Variants in MARK3 observed in about 807,000 individuals in gnomAD.
The protein encoded by MARK3 is MAP/microtubule affinity-regulating kinase 3.
MARK3 carries 46 observed loss-of-function variants against 90.1 expected under a neutral mutation model. That is an observed-to-expected ratio of 0.51 (90% CI 0.40 to 0.65). MARK3 has a LOEUF of 0.65. Among genes scored for constraint, MARK3 ranks in the 30% least tolerant of loss-of-function variants. MARK3 has a pLI of 0.00. For missense variants in MARK3, 818 were observed against 947.2 expected (o/e 0.86, Z 1.79); for synonymous variants, 321 against 332.6 (o/e 0.97, Z 0.38).
intron 1 of MARK3, among the ~76,000 whole-genome samples, chr14:103,400,844 A>G (rs2090909022): frequency 6.9e-6 from 1 of 144,428 alleles, no homozygotes; most frequent in South Asian, 2.3e-4. Context: ...GCAGTGAGGT[A>G]TGATCGATCA....
At chr14:103,414,202 C>A (rs867323261) in intron 2 of MARK3, among the ~76,000 whole-genome samples, 13 of 130,350 alleles carry the variant, frequency 1.0e-4, no homozygotes, top group Non-Finnish European at 1.7e-4. Context: ...CTTTTCTTTT[C>A]TTTCTTTTTT....
In MARK3 at chr14:103,425,528, A is replaced by C. The variant is rs576627681; in HGVS notation, c.244-2859A>C. 1.1e-4 allele frequency among the ~76,000 whole-genome samples: 16 copies of C among 152,264 alleles called. 1 individual carries two copies. The South Asian group carries it at 3.1e-3, about 30-fold the overall frequency. ...TCCACCCACCTCCCAAAGTGCTGGG[A>C]TTACAGGCATGAGCCACCTCACCCG... On this transcript the variant is annotated intron_variant, in intron 2 of 17. Transcript: ENST00000429436.
At chr14:103,438,125 C>G (rs1385821874) in intron 3 of MARK3, among the ~76,000 whole-genome samples, 2 of 152,126 alleles carry the variant, frequency 1.3e-5, no homozygotes, top group Non-Finnish European at 2.9e-5. Flanking sequence ...CTCAGCCTCC[C>G]GAGTAGCTGG....
chr14:103,474,032 TA>T (rs1182455433), intron 12 of MARK3, among the ~76,000 whole-genome samples: 1 of 96,208 alleles, frequency 1.0e-5, no homozygotes, highest in African/African-American at 3.9e-5. Context: ...CCGTCTCTAC[TA>T]AAAAAAAAAA....
At position 103,462,336 on chromosome 14, in the gene MARK3, A is replaced by C. The variant is rs958548283; in HGVS notation, c.484-69A>C. On this transcript the variant is annotated intron_variant, in intron 6 of 17. Coordinates refer to ENST00000429436, the MANE Select transcript of MARK3 (RefSeq NM_001128918.3). Reference sequence around the variant, plus strand: ...GAGTATTCATTATGTGTGAACATTAACAAAGTTATTTTCATCTTAATTACG... The same window carrying C: ...GAGTATTCATTATGTGTGAACATTACCAAAGTTATTTTCATCTTAATTACG... 3.4e-6 allele frequency: 4 copies of C among 1,165,470 alleles called. No homozygotes were observed. The African/African-American group carries it at 6.0e-5, about 18-fold the overall frequency. 72.2% of individuals were successfully genotyped at this position (1,165,470 alleles called of 1,614,324 possible).
chr14:103,455,869 C>A (rs868069412), intron 5 of MARK3, among the ~76,000 whole-genome samples: 2 of 151,998 alleles, frequency 1.3e-5, no homozygotes, highest in African/African-American at 4.8e-5. Flanking sequence ...TGATGACTTT[C>A]AAGTATCAAA....
rs776838049 is a variant in MARK3, at chr14:103,465,634, C to T, written c.618C>T (p.Gly206=). Residue 206 remains glycine (G), a synonymous_variant, in exon 8 of 18, where the codon GGC becomes GGT. Coordinates refer to ENST00000429436, the MANE Select transcript of MARK3 (RefSeq NM_001128918.3). Reference sequence around the variant, plus strand: ...GTTTTAGCAATGAATTTACTGTTGGCGGTAAACTCGACACGTTTTGTGGCA... The same window carrying T: ...GTTTTAGCAATGAATTTACTGTTGGTGGTAAACTCGACACGTTTTGTGGCA... ...DFGFSNEFTV[G]GKLDTFCGSP... 5.6e-6 allele frequency: 9 copies of T among 1,613,920 alleles called. No homozygotes were observed. Among genetic ancestry groups the T allele is most frequent in the South Asian group, 5.5e-5 (5 of 91,086 alleles).
rs1291335149 is a variant in MARK3, at chr14:103,503,019, C to T, written c.2054C>T (p.Ala685Val). ...CGGGAAATCCGCAAAGTGTTGGACG[C>T]CAATAACTGCGACTATGAGCAGAGG... The part of the protein sequence containing the change: ...MMREIRKVLD[A>V]NNCDYEQRER... Residue 685 changes from alanine to valine, a missense_variant, in exon 18 of 18, where the codon GCC becomes GTC. By Grantham distance (64) the Ala-to-Val change is moderately conservative (BLOSUM62 0). Transcript: ENST00000429436. 6.2e-7 allele frequency: 1 copy of T among 1,614,226 alleles called. No homozygotes were observed.
intron 15 of MARK3, among the ~76,000 whole-genome samples, chr14:103,496,280 C>T (rs888997256): frequency 1.3e-5 from 2 of 152,042 alleles, no homozygotes; most frequent in African/African-American, 4.8e-5. Context: ...CTGATTTTTC[C>T]GGTGGAAGAT....
chr14:103,415,279 G>A (rs1205716313), intron 2 of MARK3, among the ~76,000 whole-genome samples: 10 of 151,392 alleles, frequency 6.6e-5, no homozygotes, highest in Admixed American at 2.6e-4. Flanking sequence ...TGTACACTCT[G>A]AAGACCATTT....
chr14:103,456,728 G>A (rs1400495778), intron 5 of MARK3, among the ~76,000 whole-genome samples: 1 of 152,202 alleles, frequency 6.6e-6, no homozygotes, highest in Non-Finnish European at 1.5e-5. Context: ...CTTGCAGTTA[G>A]TAGACATTCA....
At chr14:103,386,133 C>T (rs966240707) in intron 1 of MARK3, 53 bp downstream of exon 1, 118 of 1,544,840 alleles carry the variant, frequency 7.6e-5, no homozygotes, top group Non-Finnish European at 1.0e-4. Context: ...CATTCGTGCT[C>T]CTCGGGCAGT....
At chr14:103,436,569 AT>A (rs2092721955) in intron 3 of MARK3, among the ~76,000 whole-genome samples, 1 of 152,036 alleles carries the variant, frequency 6.6e-6, no homozygotes, top group Non-Finnish European at 1.5e-5. Flanking sequence ...AATCTGATAA[AT>A]TAATACAAAT....
At chr14:103,500,962 A>G (rs9671414) in intron 17 of MARK3, among the ~76,000 whole-genome samples, 94,941 of 151,994 alleles carry the variant, frequency 0.62, 30,773 homozygotes, top group Middle Eastern at 0.76. Flanking sequence ...CATGGATTTG[A>G]GGGGAGGCAA....
At chr14:103,397,903 T>C (rs1333239103) in intron 1 of MARK3, among the ~76,000 whole-genome samples, 1 of 152,210 alleles carries the variant, frequency 6.6e-6, no homozygotes, top group Non-Finnish European at 1.5e-5. Context: ...CTACTCCTGT[T>C]AGTCTCCATA....
chr14:103,409,665 T>C (rs2091521434), intron 2 of MARK3, among the ~76,000 whole-genome samples: 1 of 152,202 alleles, frequency 6.6e-6, no homozygotes, highest in Admixed American at 6.5e-5. Context: ...AGACATTAAC[T>C]TTTAAAAAAT....
chr14:103,414,102 G>A (rs984941958), intron 2 of MARK3, among the ~76,000 whole-genome samples: 2 of 152,074 alleles, frequency 1.3e-5, no homozygotes, highest in African/African-American at 4.8e-5. Flanking sequence ...CTAGAAAACT[G>A]ATTTTATATA....
intron 1 of MARK3, among the ~76,000 whole-genome samples, chr14:103,401,805 T>A (rs1235148901): frequency 6.6e-6 from 1 of 152,156 alleles, no homozygotes; most frequent in Non-Finnish European, 1.5e-5. Flanking sequence ...AGCAAAGTAC[T>A]CTAGGATCCC....
intron 1 of MARK3, among the ~76,000 whole-genome samples, chr14:103,398,763 C>G (rs1219417679): frequency 6.6e-6 from 1 of 152,158 alleles, no homozygotes; most frequent in African/African-American, 2.4e-5. Flanking sequence ...AAAAGTGAAA[C>G]GTGACTTTGT....
Sources: allele counts gnomAD v4.1 joint callset (sites outside exome capture counted in the v4.1 genomes callset), GRCh38; gene constraint gnomAD v4.1.1; transcripts MANE v1.5; gene names NCBI Gene and HGNC (gene_info 2026-07-23, HGNC 2026-07-21).